TMEM108: variants seen among roughly 807,000 people sequenced by gnomAD.
TMEM108 encodes transmembrane protein 108.
TMEM108 carries 12 observed loss-of-function variants against 35.1 expected under a neutral mutation model. The ratio of observed to expected loss-of-function variants is 0.34; its 90% CI spans 0.22 to 0.55. The LOEUF (loss-of-function observed/expected upper bound fraction) is 0.55, where lower values mean the gene tolerates loss of function less well. Ranked by LOEUF, TMEM108 falls within the 20% of genes least tolerant of loss-of-function variation. TMEM108 has a pLI of 0.89. For synonymous variants in TMEM108, 287 were observed against 308.6 expected (o/e 0.93, Z 0.73); for missense variants, 680 against 753.3 (o/e 0.90, Z 1.14).
Position 133,223,931 on chromosome 3 carries a change from T to C in TMEM108, c.-46-5335T>C, listed in dbSNP as rs1946029846. On this transcript the variant is annotated intron_variant, in intron 2 of 5. Transcript: ENST00000321871. Reference sequence around the variant, plus strand: ...AGCCAAATGGTGCTTCTAGTTGGGATAGCCCTGTGTAACCCAGTTGATCCC... The same window carrying C: ...AGCCAAATGGTGCTTCTAGTTGGGACAGCCCTGTGTAACCCAGTTGATCCC... Among the ~76,000 whole-genome samples the C allele has an allele frequency of 2.0e-5, 3 of 152,338 alleles. No homozygotes were observed. In the South Asian group the frequency reaches 6.2e-4, roughly 32 times the overall value.
At chr3:133,201,047 A>G (rs1945656143) in intron 2 of TMEM108, among the ~76,000 whole-genome samples, 2 of 152,248 alleles carry the variant, frequency 1.3e-5, no homozygotes, top group South Asian at 4.1e-4. Context: ...ATACTAAAAA[A>G]CCACCGTGTG....
chr3:133,244,743 C>A (rs140873243), intron 3 of TMEM108, among the ~76,000 whole-genome samples: 1 of 152,156 alleles, frequency 6.6e-6, no homozygotes, highest in Non-Finnish European at 1.5e-5. Flanking sequence ...ACTTCGAAAA[C>A]GTAAAGTTCT....
intron 3 of TMEM108, among the ~76,000 whole-genome samples, chr3:133,340,245 A>G (rs548767979): frequency 6.6e-6 from 1 of 151,804 alleles, no homozygotes; most frequent in Non-Finnish European, 1.5e-5. Context: ...TCAGAGATGA[A>G]AAAGGAGATT....
chr3:133,367,786 T>G (rs2072542797), intron 3 of TMEM108, among the ~76,000 whole-genome samples: 1 of 152,220 alleles, frequency 6.6e-6, no homozygotes. Flanking sequence ...CCCCTCTTCC[T>G]GGACACTTGG....
chr3:133,068,734 A>G (rs976830236), intron 2 of TMEM108, among the ~76,000 whole-genome samples: 1 of 152,156 alleles, frequency 6.6e-6, no homozygotes, highest in East Asian at 1.9e-4. Context: ...GTTACCTGTG[A>G]GGATATAAAG....
intron 2 of TMEM108, among the ~76,000 whole-genome samples, chr3:133,174,822 T>C (rs1478073298): frequency 6.6e-6 from 1 of 152,094 alleles, no homozygotes; most frequent in Non-Finnish European, 1.5e-5. Context: ...CAAAGCTGGA[T>C]GGAGAATGAC....
At chr3:133,077,271 G>A (rs957716932) in intron 2 of TMEM108, among the ~76,000 whole-genome samples, 1 of 146,338 alleles carries the variant, frequency 6.8e-6, no homozygotes, top group African/African-American at 2.5e-5. Flanking sequence ...TTTGCAGAGA[G>A]GAAAAAGGGC....
intron 2 of TMEM108, among the ~76,000 whole-genome samples, chr3:133,131,543 C>T (rs1047026108): frequency 1.3e-5 from 2 of 149,848 alleles, no homozygotes; most frequent in African/African-American, 4.9e-5. Flanking sequence ...GAACCATGCC[C>T]ATATAAGACA....
intron 3 of TMEM108, among the ~76,000 whole-genome samples, chr3:133,317,100 G>C (rs182908310): frequency 1.3e-5 from 2 of 152,320 alleles, no homozygotes; most frequent in Admixed American, 1.3e-4. Context: ...AACTACAGCT[G>C]TTATTGTGAG....
chr3:133,257,504 T>C (rs1946564390), intron 3 of TMEM108, among the ~76,000 whole-genome samples: 1 of 150,588 alleles, frequency 6.6e-6, no homozygotes. Context: ...TTCATTTCAC[T>C]GCCTCTTAAA....
chr3:133,267,136 C>T (rs1342386007), intron 3 of TMEM108, among the ~76,000 whole-genome samples: 2 of 151,648 alleles, frequency 1.3e-5, no homozygotes, highest in African/African-American at 2.4e-5. Context: ...TGTAGAGCCA[C>T]CATTCTAGTG....
intron 4 of TMEM108, among the ~76,000 whole-genome samples, chr3:133,382,483 C>CT (rs777754871): frequency 1.1e-4 from 16 of 152,274 alleles, no homozygotes; most frequent in Non-Finnish European, 1.8e-4. Flanking sequence ...CATCTGCCCC[C>CT]TCTGGGGTAG....
intron 4 of TMEM108, 87 bp from the exon 5 acceptor site, chr3:133,390,093 G>A: frequency 6.6e-7 from 1 of 1,523,670 alleles, no homozygotes; most frequent in Non-Finnish European, 9.0e-7. Context: ...TACTCCAGCT[G>A]GGAACTCTCC....
intron 3 of TMEM108, among the ~76,000 whole-genome samples, chr3:133,258,071 A>G (rs1160524621): frequency 1.3e-5 from 2 of 152,200 alleles, no homozygotes; most frequent in Middle Eastern, 3.4e-3. Context: ...GCCCAATGTG[A>G]TGGTATTTGG....
intron 2 of TMEM108, among the ~76,000 whole-genome samples, chr3:133,060,948 A>G (rs1256722629): frequency 1.3e-5 from 2 of 152,212 alleles, no homozygotes; most frequent in Non-Finnish European, 2.9e-5. Flanking sequence ...GTGGAATACC[A>G]TATGATTTTT....
chr3:133,356,553 C>T (rs1215606860), intron 3 of TMEM108, among the ~76,000 whole-genome samples: 1 of 152,186 alleles, frequency 6.6e-6, no homozygotes, highest in East Asian at 1.9e-4. Flanking sequence ...GGAGACATCA[C>T]ATTACCAATC....
At chr3:133,146,854 T>G (rs564119046) in intron 2 of TMEM108, among the ~76,000 whole-genome samples, 3 of 152,316 alleles carry the variant, frequency 2.0e-5, no homozygotes, top group Non-Finnish European at 1.5e-5. Context: ...TTCTTCTCTC[T>G]TCTCTTCTTT....
At chr3:133,251,083 G>C (rs1007247785) in intron 3 of TMEM108, among the ~76,000 whole-genome samples, 28 of 152,116 alleles carry the variant, frequency 1.8e-4, no homozygotes, top group Non-Finnish European at 2.9e-5. Flanking sequence ...ACTTTCCTAG[G>C]ATCTCAGCCA....
intron 3 of TMEM108, among the ~76,000 whole-genome samples, chr3:133,243,176 A>T (rs1190228384): frequency 6.6e-6 from 1 of 152,122 alleles, no homozygotes. Flanking sequence ...CCCGGAGGTC[A>T]CTATGAGGTA....
Sources: allele counts gnomAD v4.1 joint callset (sites outside exome capture counted in the v4.1 genomes callset), GRCh38; gene constraint gnomAD v4.1.1; transcripts MANE v1.5; gene names NCBI Gene and HGNC (gene_info 2026-07-23, HGNC 2026-07-21).